Variants in CFAP20 observed in about 807,000 individuals in gnomAD.
CFAP20 encodes cilia and flagella associated protein 20.
A neutral mutation model predicts 25.5 loss-of-function variants in CFAP20; 14 were observed. The ratio of observed to expected loss-of-function variants is 0.55; its 90% confidence interval spans 0.36 to 0.86. The LOEUF is 0.86. Among genes scored for constraint, CFAP20 ranks in the 40% least tolerant of loss-of-function variants. CFAP20 has a pLI of 0.01. For synonymous variants in CFAP20, 75 were observed against 91.1 expected, an observed-to-expected ratio of 0.82 and a Z score of 1.01; for missense variants, 181 against 248.0, an observed-to-expected ratio of 0.73 and a Z score of 1.81.
At chr16:58,126,511 T>C (rs1257490507) in intron 1 of CFAP20, among the ~76,000 whole-genome samples, 2 of 152,088 alleles carry the variant, frequency 1.3e-5, no homozygotes, top group African/African-American at 4.8e-5. Context: ...ACAGAAATTC[T>C]CTCTATATAT....
In CFAP20 at chr16:58,129,371, C is replaced by A; in HGVS notation, c.-256G>T. The A allele has an allele frequency of 2.1e-6, 1 of 478,876 alleles. No individual in the cohort carries two copies. Among genetic ancestry groups the A allele is most frequent in the East Asian group, 3.4e-5 (1 of 29,412 alleles). 29.7% of individuals were successfully genotyped at this position (478,876 alleles called of 1,614,324 possible). On this transcript the variant is annotated 5_prime_UTR_variant, in exon 1 of 6. Coordinates refer to ENST00000262498, the MANE Select transcript of CFAP20 (RefSeq NM_013242.3). ...CTACCGTCCGCGCCGCGGTATTTCCCCGCCTTCAATGGAGGCGGAGGGCCG... is the reference window on the plus strand; with the variant it reads ...CTACCGTCCGCGCCGCGGTATTTCCACGCCTTCAATGGAGGCGGAGGGCCG...
chr16:58,118,341 G>A (rs1027229402), intron 1 of CFAP20, among the ~76,000 whole-genome samples: 7 of 149,910 alleles, frequency 4.7e-5, no homozygotes, highest in African/African-American at 7.4e-5. Context: ...GTGTGGTGGC[G>A]TGCACCTGTA....
At chr16:58,119,358 A>T (rs1960501821) in intron 1 of CFAP20, 1 of 152,234 alleles carries the variant, frequency 6.6e-6, no homozygotes, top group African/African-American at 2.4e-5. Flanking sequence ...TAAGCGTTCA[A>T]ATATTTGCTG....
At position 58,114,904 on chromosome 16, in the gene CFAP20, C is replaced by G. The variant is rs781222045; in HGVS notation, c.482G>C (p.Arg161Pro). The G allele has an allele frequency of 6.2e-7, 1 of 1,613,486 alleles. No individual in the cohort carries two copies. The highest frequency in any genetic ancestry group is 1.1e-5 in the South Asian group (1 of 91,066). ...GTCTGAGAAGTAAACCCGTCGGATGCGACAATTTGCATGGATCTGTCAAGG... is the reference window on the plus strand; with the variant it reads ...GTCTGAGAAGTAAACCCGTCGGATGGGACAATTTGCATGGATCTGTCAAGG... ...TLRVQIHANCRIRRVYFSDRL... is the reference protein window; with the variant it reads ...TLRVQIHANCPIRRVYFSDRL... Residue 161 changes from arginine (R) to proline (P), a missense_variant, in exon 5 of 6, where the codon CGC (arginine) becomes CCC (proline). Transcript: ENST00000262498.
chr16:58,125,210 C>T (rs1244683849), intron 1 of CFAP20, among the ~76,000 whole-genome samples: 3 of 152,184 alleles, frequency 2.0e-5, no homozygotes, highest in East Asian at 3.9e-4. Context: ...TCATTAACAT[C>T]AATCACAGTC....
rs1253531839 is a variant in CFAP20, at chr16:58,115,989, G to T, written c.276+52C>A. ...GTCACTTTTTCCCATCAGTTCAAAG[G>T]CTATCACTTTGGTATAGCCAAGAGT... On this transcript the variant is annotated intron_variant, in intron 3 of 5. Coordinates refer to ENST00000262498, the MANE Select transcript of CFAP20 (RefSeq NM_013242.3). 21 of 1,326,754 alleles carry T rather than the reference G, an allele frequency of 1.6e-5. No individual in the cohort carries two copies. In the Admixed American group the frequency reaches 3.6e-4, roughly 23 times the overall value. 82.2% of individuals were successfully genotyped at this position (1,326,754 alleles called of 1,614,324 possible).
chr16:58,126,565 T>C (rs1013260269), intron 1 of CFAP20, among the ~76,000 whole-genome samples: 4 of 152,196 alleles, frequency 2.6e-5, no homozygotes, highest in Non-Finnish European at 4.4e-5. Context: ...TAAAAATAAC[T>C]ATAAATAGGT....
intron 1 of CFAP20, among the ~76,000 whole-genome samples, chr16:58,128,249 A>G (rs1960647997): frequency 1.3e-5 from 2 of 152,208 alleles, no homozygotes; most frequent in Admixed American, 6.5e-5. Context: ...GGCCAAACAC[A>G]TATCATCTAG....
intron 1 of CFAP20, among the ~76,000 whole-genome samples, chr16:58,119,923 T>G (rs1960510807): frequency 1.0e-5 from 1 of 99,620 alleles, no homozygotes; most frequent in Non-Finnish European, 2.2e-5. Flanking sequence ...ACTCGCCATC[T>G]CATGTTCCCA....
chr16:58,118,256 G>C (rs957407143), intron 1 of CFAP20, among the ~76,000 whole-genome samples: 7 of 151,248 alleles, frequency 4.6e-5, no homozygotes, highest in African/African-American at 1.7e-4. Flanking sequence ...AAGGCAGGAG[G>C]ATAGCTTGAG....
intron 1 of CFAP20, among the ~76,000 whole-genome samples, chr16:58,117,452 G>A (rs113855020): frequency 0.047 from 7,167 of 152,032 alleles, 204 homozygotes; most frequent in South Asian, 0.16. Context: ...TTTCTGAGAC[G>A]GAGTCTCGCC....
At chr16:58,119,448 T>A (rs1211298573) in intron 1 of CFAP20, 1 of 152,054 alleles carries the variant, frequency 6.6e-6, no homozygotes, top group Non-Finnish European at 1.5e-5. Flanking sequence ...GGATAACACA[T>A]CCCCCGTGGA....
chr16:58,114,960 T>G (rs770160049), intron 4 of CFAP20, 40 bp from the exon 5 acceptor site: 35 of 1,525,244 alleles, frequency 2.3e-5, no homozygotes, highest in Non-Finnish European at 2.8e-5. Context: ...GAAATGTGAC[T>G]GTTCTCCCCC....
chr16:58,126,893 T>C (rs1960621237), intron 1 of CFAP20, among the ~76,000 whole-genome samples: 1 of 152,218 alleles, frequency 6.6e-6, no homozygotes, highest in African/African-American at 2.4e-5. Context: ...CTTTTTCTTC[T>C]CTTTCCTTCC....
Position 58,113,807 on chromosome 16 carries a change from G to A in CFAP20, c.*218C>T. 1 of 566,198 alleles carries A rather than the reference G, an allele frequency of 1.8e-6. No homozygotes were observed. Among genetic ancestry groups the A allele is most frequent in the South Asian group, 2.1e-5 (1 of 46,652 alleles). 35.1% of individuals were successfully genotyped at this position (566,198 alleles called of 1,614,324 possible). On this transcript the variant is annotated 3_prime_UTR_variant, in exon 6 of 6. Transcript: ENST00000262498. ...CGGCGGAATAAGCTCCAGCGTTCAT[G>A]CGCCACTCACAGGACTGCTTACCCC... is the stretch of plus-strand genomic sequence containing the variant.
intron 5 of CFAP20, among the ~76,000 whole-genome samples, chr16:58,114,542 T>G (rs1960430552): frequency 7.1e-6 from 1 of 141,066 alleles, no homozygotes; most frequent in African/African-American, 2.6e-5. Context: ...AAAAAAAAGT[T>G]AAGATATTTT....
intron 2 of CFAP20, 129 bp from the exon 3 acceptor site, chr16:58,116,281 G>A (rs1960457311): frequency 1.6e-6 from 1 of 615,584 alleles, no homozygotes; most frequent in Admixed American, 3.0e-5. Context: ...ACGCCACCCA[G>A]TGAATCCCTC....
intron 3 of CFAP20, chr16:58,115,750 AAACAG>A: frequency 1.9e-6 from 1 of 527,426 alleles, no homozygotes. Flanking sequence ...AGAAATACTA[AAACAG>A]AACAGCCACC....
At chr16:58,114,748 C>G (rs1017000501) in intron 5 of CFAP20, 62 bp downstream of exon 5, 1 of 1,384,448 alleles carries the variant, frequency 7.2e-7, no homozygotes, top group African/African-American at 1.4e-5. Flanking sequence ...ACCAGAGCAC[C>G]TTCCAGGAAC....
Sources: gnomAD v4.1 joint callset for allele counts (sites outside exome capture counted in the v4.1 genomes callset) on GRCh38, gnomAD v4.1.1 for gene constraint, MANE v1.5 for transcripts, NCBI Gene and HGNC (gene_info 2026-07-23, HGNC 2026-07-21) for gene names.